SVEP1: variants seen among roughly 807,000 people sequenced by gnomAD.
SVEP1 encodes the protein sushi, von Willebrand factor type A, EGF and pentraxin domain-containing protein 1.
In SVEP1, 164 loss-of-function variants were observed where a neutral mutation model predicts 367.3. That is an observed-to-expected ratio of 0.45 (90% CI 0.39 to 0.51). SVEP1 has a LOEUF of 0.51. Among genes scored for constraint, SVEP1 ranks in the 20% least tolerant of loss-of-function variants. The probability of loss-of-function intolerance (pLI) is 0.00; values close to 1 mark genes in which losing one functional copy is unlikely to be tolerated. For synonymous variants in SVEP1, 1,666 were observed against 1,611.6 expected, an observed-to-expected ratio of 1.03 and a Z score of -0.81; for missense variants, 4,117 against 4,425.3, an observed-to-expected ratio of 0.93 and a Z score of 1.98.
intron 28 of SVEP1, 133 bp downstream of exon 28, chr9:110,436,247 T>C (rs1828428837): frequency 5.1e-6 from 6 of 1,172,952 alleles, no homozygotes; most frequent in Non-Finnish European, 7.0e-6. Context: ...AACCACAGCA[T>C]CAAATGATAC....
intron 40 of SVEP1, among the ~76,000 whole-genome samples, chr9:110,397,021 C>A (rs895256551): frequency 3.0e-4 from 46 of 152,118 alleles, no homozygotes; most frequent in Non-Finnish European, 5.7e-4. Flanking sequence ...GATACCAAAG[C>A]CTGGCAGAGA....
In SVEP1 at chr9:110,407,041, T is replaced by G. The variant is rs1827966582; in HGVS notation, c.8559A>C (p.Lys2853Asn). 1 of 1,613,968 alleles carries G rather than the reference T, an allele frequency of 6.2e-7. No homozygotes were observed. The highest frequency in any genetic ancestry group is 8.5e-7 in the Non-Finnish European group (1 of 1,179,884). Reference sequence around the variant, plus strand: ...CTTCATTGCAAGTGTATTCAATCTCTTTTTGGAATGTGTACTCGTCTCCTC... The same window carrying G: ...CTTCATTGCAAGTGTATTCAATCTCGTTTTGGAATGTGTACTCGTCTCCTC... ...QVRGDEYTFQ[K>N]EIEYTCNEGF... Residue 2853 changes from lysine to asparagine, a missense_variant, in exon 38 of 48, where the codon AAA becomes AAC. Physicochemically the swap from Lys to Asn is moderately conservative, Grantham distance 94. Coordinates refer to ENST00000374469, the MANE Select transcript of SVEP1 (RefSeq NM_153366.4).
At chr9:110,522,599 C>T (rs1931316) in intron 3 of SVEP1, among the ~76,000 whole-genome samples, 1 of 152,264 alleles carries the variant, frequency 6.6e-6, no homozygotes, top group African/African-American at 2.4e-5. Flanking sequence ...TCCGCCTGTC[C>T]TAAAGAAAGA....
chr9:110,567,128 A>G (rs892191380), intron 1 of SVEP1, among the ~76,000 whole-genome samples: 12 of 152,242 alleles, frequency 7.9e-5, no homozygotes, highest in Non-Finnish European at 2.9e-5. Flanking sequence ...AATGAAATGC[A>G]CTAAAGATAT....
chr9:110,456,077 C>G (rs1828771935), intron 21 of SVEP1, among the ~76,000 whole-genome samples: 1 of 152,172 alleles, frequency 6.6e-6, no homozygotes, highest in Admixed American at 6.5e-5. Context: ...TAAAGCCTGC[C>G]AGATCACAGC....
Position 110,407,416 on chromosome 9 carries a change from C to T in SVEP1, c.8184G>A (p.Leu2728=). 1.2e-6 allele frequency: 2 copies of T among 1,613,920 alleles called. No individual in the cohort carries two copies. The highest frequency in any genetic ancestry group is 8.5e-7 in the Non-Finnish European group (1 of 1,179,874). ...DLPTAPENGF[L]RFTETSMGSA... is the part of the protein sequence containing the mutation. ...TTCCCATGCTAGTCTCTGTAAAACG[C>T]AAAAAGCCATTTTCAGGAGCAGTAG... Residue 2728 remains leucine, a synonymous_variant, in exon 38 of 48, where the codon TTG becomes TTA. Coordinates refer to ENST00000374469, the MANE Select transcript of SVEP1 (RefSeq NM_153366.4).
intron 40 of SVEP1, among the ~76,000 whole-genome samples, chr9:110,390,365 T>TA (rs1827635460): frequency 1.3e-4 from 2 of 15,066 alleles, no homozygotes; most frequent in African/African-American, 8.2e-4. Context: ...ATATATATAC[T>TA]TATATCTACT....
intron 47 of SVEP1, among the ~76,000 whole-genome samples, chr9:110,366,853 A>T (rs541333269): frequency 6.6e-6 from 1 of 152,316 alleles, no homozygotes; most frequent in Admixed American, 6.5e-5. Flanking sequence ...AGGGGTTTGG[A>T]GCTAATGAAC....
intron 3 of SVEP1, among the ~76,000 whole-genome samples, chr9:110,525,092 C>G (rs1829924471): frequency 6.6e-6 from 1 of 152,040 alleles, no homozygotes; most frequent in Non-Finnish European, 1.5e-5. Flanking sequence ...AGTGGAACTT[C>G]TAACCAGAAC....
chr9:110,554,334 C>T (rs1830329285), intron 1 of SVEP1, among the ~76,000 whole-genome samples: 1 of 152,044 alleles, frequency 6.6e-6, no homozygotes, highest in African/African-American at 2.4e-5. Flanking sequence ...TCCAGTAATC[C>T]CACCTCTAGG....
chr9:110,408,529 G>T lies in SVEP1; in HGVS notation c.7071C>A (p.Gly2357=), dbSNP rs768597592. The part of the protein sequence containing the change: ...FSCKEGHVLQ[G]PSVLKCLPSQ... ...ATGGCAAGCATTTCAGGACAGAGGG[G>T]CCTTGCAGGACATGCCCTTCTTTAC... Residue 2357 remains glycine (G), a synonymous_variant, in exon 38 of 48, where the codon GGC becomes GGA. Coordinates refer to ENST00000374469, the MANE Select transcript of SVEP1 (RefSeq NM_153366.4). 2.5e-6 allele frequency: 4 copies of T among 1,613,836 alleles called. No individual in the cohort carries two copies. The highest frequency in any genetic ancestry group is 4.5e-5 in the East Asian group (2 of 44,872).
At chr9:110,540,924 T>A (rs972394691) in intron 3 of SVEP1, among the ~76,000 whole-genome samples, 5 of 152,178 alleles carry the variant, frequency 3.3e-5, no homozygotes, top group Non-Finnish European at 5.9e-5. Context: ...GAGGTCATTG[T>A]TTGAAGACTC....
chr9:110,403,082 T>C (rs1288435647), intron 39 of SVEP1, among the ~76,000 whole-genome samples: 1 of 152,052 alleles, frequency 6.6e-6, no homozygotes, highest in Non-Finnish European at 1.5e-5. Flanking sequence ...ATATTTGAGA[T>C]GGAATTTAAA....
intron 10 of SVEP1, among the ~76,000 whole-genome samples, chr9:110,483,264 G>C (rs914343645): frequency 6.6e-6 from 1 of 152,084 alleles, no homozygotes. Flanking sequence ...TAGAGATGCC[G>C]ATAAAATGCA....
chr9:110,398,389 C>A (rs1827803044), intron 40 of SVEP1, among the ~76,000 whole-genome samples: 1 of 152,058 alleles, frequency 6.6e-6, no homozygotes, highest in Non-Finnish European at 1.5e-5. Flanking sequence ...CCATAAAATC[C>A]CTAGAAGAAA....
At chr9:110,372,903 T>G (rs2118939657) in intron 46 of SVEP1, among the ~76,000 whole-genome samples, 1 of 152,296 alleles carries the variant, frequency 6.6e-6, no homozygotes, top group East Asian at 1.9e-4. Context: ...GAGAACCATT[T>G]TAGCCTCTTA....
Position 110,443,716 on chromosome 9 carries a change from C to A in SVEP1, c.4468G>T (p.Val1490Phe). 1.2e-6 allele frequency: 2 copies of A among 1,600,438 alleles called. No individual in the cohort carries two copies. The highest frequency in any genetic ancestry group is 1.7e-6 in the Non-Finnish European group (2 of 1,172,776). Residue 1490 changes from valine (V) to phenylalanine (F), a missense_variant, in exon 27 of 48, where the codon GTT (valine) becomes TTT (phenylalanine). Around this residue, in one of 4 missense-constraint regions of SVEP1, gnomAD observed 2,174 missense variants for 2,494.3 expected, o/e 0.87. Transcript: ENST00000374469. ...TLLLTDYNGW[V>F]LYVNGREKIT... ...TTTTCCCTGCCATTCACATAAAGAA[C>A]CCAGCTGTAGAGAGAAAGATTCCAG... is the stretch of plus-strand genomic sequence containing the variant.
At chr9:110,574,461 G>A (rs527502825) in intron 1 of SVEP1, among the ~76,000 whole-genome samples, 1 of 152,240 alleles carries the variant, frequency 6.6e-6, no homozygotes, top group East Asian at 1.9e-4. Flanking sequence ...TCTGACAAAC[G>A]ATCTCATTTC....
At chr9:110,507,598 A>T (rs1829644459) in intron 5 of SVEP1, among the ~76,000 whole-genome samples, 1 of 152,256 alleles carries the variant, frequency 6.6e-6, no homozygotes, top group Admixed American at 6.5e-5. Context: ...AAGTATTAAT[A>T]AAAAATGATC....
Sources: allele counts gnomAD v4.1 joint callset (sites outside exome capture counted in the v4.1 genomes callset), GRCh38; gene constraint gnomAD v4.1.1; regional missense constraint gnomAD v4.1.1; transcripts MANE v1.5; gene names NCBI Gene and HGNC (gene_info 2026-07-23, HGNC 2026-07-21).